Variants in ARHGEF12 observed in about 807,000 individuals in gnomAD.
The protein encoded by ARHGEF12 is Rho guanine nucleotide exchange factor 12, also known as KMT2A/ARHGEF12 fusion protein.
In ARHGEF12, 66 loss-of-function variants were observed where a neutral mutation model predicts 211.2. The observed-to-expected ratio is 0.31, with a 90% CI of 0.26 to 0.38. The LOEUF (loss-of-function observed/expected upper bound fraction) is 0.38. Among genes scored for constraint, ARHGEF12 ranks in the 10% least tolerant of loss-of-function variants. The probability of loss-of-function intolerance (pLI) is 1.00; values close to 1 mark genes in which losing one functional copy is unlikely to be tolerated. For synonymous variants in ARHGEF12, 592 were observed against 638.4 expected (o/e 0.93, Z 1.09); for missense variants, 1,429 against 1,869.5 (o/e 0.76, Z 4.34).
intron 1 of ARHGEF12, among the ~76,000 whole-genome samples, chr11:120,343,436 A>G (rs913446179): frequency 6.6e-6 from 1 of 152,270 alleles, no homozygotes. Flanking sequence ...TAACTCCAAT[A>G]GAAGCCTATG....
chr11:120,362,202 A>T (rs1028532818), intron 1 of ARHGEF12, among the ~76,000 whole-genome samples: 1 of 152,244 alleles, frequency 6.6e-6, no homozygotes, highest in African/African-American at 2.4e-5. Context: ...GAAATTCTAA[A>T]GTCCTGTAAT....
At chr11:120,437,456 C>T in intron 12 of ARHGEF12, 74 bp downstream of exon 12, 3 of 976,434 alleles carry the variant, frequency 3.1e-6, no homozygotes, top group Non-Finnish European at 2.9e-6. Flanking sequence ...ATAGACACAT[C>T]TGATGTTTAC....
chr11:120,427,949 A>T, intron 7 of ARHGEF12, 120 bp from the exon 8 acceptor site: 1 of 750,592 alleles, frequency 1.3e-6, no homozygotes, highest in Non-Finnish European at 2.0e-6. Flanking sequence ...AGATGATGGG[A>T]CTGTCTTACA....
At chr11:120,475,188 GAAAATGAAATTTTAAAAGATAATATAC>G (rs1946992403) in intron 32 of ARHGEF12, 125 bp from the exon 33 acceptor site, 1 of 686,932 alleles carries the variant, frequency 1.5e-6, no homozygotes. Flanking sequence ...ATGAATTACT[GAAAATGAAATTTTAAAAGATAATATAC>G]AAGTCAATTT....
At chr11:120,349,629 CATCTGTAA>C (rs1258158357) in intron 1 of ARHGEF12, among the ~76,000 whole-genome samples, 1 of 152,122 alleles carries the variant, frequency 6.6e-6, no homozygotes, top group Non-Finnish European at 1.5e-5. Flanking sequence ...TTAATTTTTT[CATCTGTAA>C]AAATGGGAAG....
At chr11:120,445,803 C>T (rs1177381669) in intron 16 of ARHGEF12, among the ~76,000 whole-genome samples, 3 of 152,148 alleles carry the variant, frequency 2.0e-5, no homozygotes, top group Admixed American at 6.5e-5. Context: ...GAGGCTGAGG[C>T]AGGAGAATTG....
intron 40 of ARHGEF12, among the ~76,000 whole-genome samples, chr11:120,484,803 G>A (rs867688392): frequency 6.6e-6 from 1 of 152,174 alleles, no homozygotes; most frequent in Non-Finnish European, 1.5e-5. Context: ...TTCGGTGTGA[G>A]GCTTACTGGT....
chr11:120,456,281 G>A (rs1472945828), intron 22 of ARHGEF12, among the ~76,000 whole-genome samples: 6 of 152,132 alleles, frequency 3.9e-5, no homozygotes, highest in Non-Finnish European at 8.8e-5. Flanking sequence ...ATTAGAGGGA[G>A]GATGTGGACA....
chr11:120,451,744 C>G lies in ARHGEF12; in HGVS notation c.2056+20C>G. ...ATACAGGTGAGCTATTACTGTAGTT[C>G]AGCTTAACTAAGCATCAAGATTTTA... On this transcript the variant is annotated intron_variant, in intron 22 of 40. Transcript: ENST00000397843. 1 of 1,599,612 alleles carries G rather than the reference C, an allele frequency of 6.3e-7. No homozygotes were observed. Among genetic ancestry groups the G allele is most frequent in the Non-Finnish European group, 8.6e-7 (1 of 1,169,370 alleles).
At chr11:120,440,049 T>C (rs1945823806) in intron 12 of ARHGEF12, 80 bp from the exon 13 acceptor site, 1 of 991,506 alleles carries the variant, frequency 1.0e-6, no homozygotes. Flanking sequence ...AACCATGTCT[T>C]TTTGATGGGT....
At chr11:120,480,805 G>A (rs1026242764) in intron 38 of ARHGEF12, among the ~76,000 whole-genome samples, 9 of 152,182 alleles carry the variant, frequency 5.9e-5, no homozygotes, top group Admixed American at 3.9e-4. Flanking sequence ...CCTCCGATGA[G>A]GTAGCATTTG....
chr11:120,389,866 T>C lies in ARHGEF12; in HGVS notation c.33-16252T>C, dbSNP rs1304806029. ...TTGCAAATGACAGGAACTCATTCTT[T>C]TTTATGGCTAAATAGTACTCCATTG... On this transcript the variant is annotated intron_variant, in intron 1 of 40. Coordinates refer to ENST00000397843, the MANE Select transcript of ARHGEF12 (RefSeq NM_015313.3). Among the ~76,000 whole-genome samples the C allele has an allele frequency of 2.0e-5, 3 of 152,182 alleles. No homozygotes were observed. The East Asian group carries it at 5.8e-4, about 29-fold the overall frequency.
At chr11:120,482,065 G>C (rs1420816215) in intron 39 of ARHGEF12, among the ~76,000 whole-genome samples, 1 of 152,168 alleles carries the variant, frequency 6.6e-6, no homozygotes, top group Non-Finnish European at 1.5e-5. Context: ...AGTCGGCATT[G>C]TTTATCTTTT....
intron 1 of ARHGEF12, among the ~76,000 whole-genome samples, chr11:120,396,552 C>T (rs1944395004): frequency 6.6e-6 from 1 of 152,138 alleles, no homozygotes; most frequent in Admixed American, 6.5e-5. Flanking sequence ...CAAAAATAGA[C>T]CCACGTATAT....
intron 1 of ARHGEF12, among the ~76,000 whole-genome samples, chr11:120,360,607 G>C (rs1407067880): frequency 6.6e-6 from 1 of 152,086 alleles, no homozygotes; most frequent in African/African-American, 2.4e-5. Context: ...GCCCCAGGCT[G>C]GTCTTGAACT....
chr11:120,410,297 T>G (rs901820552), intron 4 of ARHGEF12: 4 of 151,808 alleles, frequency 2.6e-5, no homozygotes, highest in African/African-American at 9.7e-5. Flanking sequence ...TTTGGGGTTT[T>G]TTTTTTTTTG....
chr11:120,415,234 A>G (rs369068597), intron 4 of ARHGEF12, among the ~76,000 whole-genome samples: 1 of 152,096 alleles, frequency 6.6e-6, no homozygotes, highest in Admixed American at 6.6e-5. Flanking sequence ...GTCTACTTTT[A>G]TCTTTGGCTT....
intron 29 of ARHGEF12, among the ~76,000 whole-genome samples, chr11:120,467,930 C>T (rs956349063): frequency 2.6e-5 from 4 of 152,154 alleles, no homozygotes; most frequent in Non-Finnish European, 4.4e-5. Context: ...ATTGCTTTTA[C>T]ATTATAACAG....
At chr11:120,469,480 C>A in intron 30 of ARHGEF12, 92 bp downstream of exon 30, 1 of 1,028,186 alleles carries the variant, frequency 9.7e-7, no homozygotes, top group Non-Finnish European at 1.4e-6. Context: ...TTAAAACTAT[C>A]ATTACCTAAT....
Sources: allele counts gnomAD v4.1 joint callset (sites outside exome capture counted in the v4.1 genomes callset), GRCh38; gene constraint gnomAD v4.1.1; transcripts MANE v1.5; gene names NCBI Gene and HGNC (gene_info 2026-07-23, HGNC 2026-07-21).